FLT3: variants seen among roughly 807,000 people sequenced by gnomAD.
The protein encoded by FLT3 is fms related receptor tyrosine kinase 3, also known as receptor-type tyrosine-protein kinase FLT3.
A neutral mutation model predicts 126.6 loss-of-function variants in FLT3; 46 were observed. The ratio of observed to expected loss-of-function variants is 0.36; its 90% confidence interval spans 0.29 to 0.46. The LOEUF is 0.46. Ranked by LOEUF, FLT3 falls within the 20% of genes least tolerant of loss-of-function variation. The probability of loss-of-function intolerance (pLI) is 1.00; values close to 1 mark genes in which losing one functional copy is unlikely to be tolerated. For synonymous variants in FLT3, 404 were observed against 434.4 expected (o/e 0.93, Z 0.87); for missense variants, 1,069 against 1,190.3 (o/e 0.90, Z 1.50).
chr13:28,046,124 C>T (rs1005761370), intron 9 of FLT3, among the ~76,000 whole-genome samples: 1 of 152,064 alleles, frequency 6.6e-6, no homozygotes, highest in African/African-American at 2.4e-5. Context: ...GCTCAACATG[C>T]CAGCAGCGCC....
intron 6 of FLT3, 147 bp from the exon 7 acceptor site, chr13:28,049,921 C>T (rs1308479597): frequency 4.5e-6 from 5 of 1,103,684 alleles, no homozygotes; most frequent in Non-Finnish European, 6.4e-6. Context: ...GAGACTGACT[C>T]CTCTTTTATG....
At chr13:28,073,455 G>A in intron 1 of FLT3, 1 of 375,556 alleles carries the variant, frequency 2.7e-6, no homozygotes, top group Non-Finnish European at 5.3e-6. Context: ...CTCATAATCT[G>A]AGACAGTCTC....
At position 28,052,542 on chromosome 13, in the gene FLT3, T is replaced by C; in HGVS notation, c.614+3A>G. The C allele has an allele frequency of 1.2e-6, 2 of 1,611,356 alleles. No individual in the cohort carries two copies. Among genetic ancestry groups the C allele is most frequent in the Non-Finnish European group, 1.7e-6 (2 of 1,178,896 alleles). On this transcript the variant is annotated splice_donor_region_variant and intron_variant, in intron 5 of 23. Coordinates refer to ENST00000241453, the MANE Select transcript of FLT3 (RefSeq NM_004119.3). ...AATAGCAGCTACCATGGATGTGTCA[T>C]ACCTTTCCCCCTGTGAATCGCAAAG...
At chr13:28,014,129 T>C (rs920835265) in intron 23 of FLT3, among the ~76,000 whole-genome samples, 1 of 152,004 alleles carries the variant, frequency 6.6e-6, no homozygotes, top group Non-Finnish European at 1.5e-5. Flanking sequence ...AAACTTAGCC[T>C]GGCGTGGTGC....
intron 15 of FLT3, among the ~76,000 whole-genome samples, chr13:28,032,269 G>A (rs569708828): frequency 1.3e-5 from 2 of 152,188 alleles, no homozygotes; most frequent in African/African-American, 2.4e-5. Context: ...CTGAAGCTCC[G>A]AAAGGAGACG....
intron 9 of FLT3, 32 bp from the exon 10 acceptor site, chr13:28,037,320 C>T (rs755786789): frequency 6.8e-6 from 9 of 1,326,322 alleles, no homozygotes; most frequent in South Asian, 3.5e-5. Context: ...ACAGATTTAG[C>T]CCAATTGCTA....
intron 23 of FLT3, among the ~76,000 whole-genome samples, chr13:28,005,199 C>T (rs1018762990): frequency 2.6e-5 from 4 of 152,144 alleles, no homozygotes; most frequent in Non-Finnish European, 4.4e-5. Flanking sequence ...CATGGCGGCG[C>T]GCGCCTGCAG....
chr13:28,051,985 G>A (rs1160616093), intron 5 of FLT3, among the ~76,000 whole-genome samples: 2 of 151,922 alleles, frequency 1.3e-5, no homozygotes, highest in Non-Finnish European at 2.9e-5. Context: ...GAAGGGCCCT[G>A]CAGTTGATTT....
At position 28,034,125 on chromosome 13, in the gene FLT3, T is replaced by G; in HGVS notation, c.1794A>C (p.Glu598Asp). ...EYFYVDFREY[E>D]YDLKWEFPRE... is the part of the protein sequence containing the mutation. Reference sequence around the variant, plus strand: ...TTGGAAACTCCCATTTGAGATCATATTCATATTCTCTGAAATCAACGTAGA... The same window carrying G: ...TTGGAAACTCCCATTTGAGATCATAGTCATATTCTCTGAAATCAACGTAGA... Residue 598 changes from glutamate (E) to aspartate (D), a missense_variant, in exon 14 of 24, where the codon GAA (glutamate) becomes GAC (aspartate). Coordinates refer to ENST00000241453, the MANE Select transcript of FLT3 (RefSeq NM_004119.3). The G allele has an allele frequency of 6.2e-7, 1 of 1,614,078 alleles. No homozygotes were observed. The highest frequency in any genetic ancestry group is 8.5e-7 in the Non-Finnish European group (1 of 1,179,914).
intron 15 of FLT3, among the ~76,000 whole-genome samples, chr13:28,029,884 A>G (rs1873158945): frequency 6.6e-6 from 1 of 152,220 alleles, no homozygotes; most frequent in South Asian, 2.1e-4. Flanking sequence ...CTGACTTAGA[A>G]GCACAGTGTG....
intron 23 of FLT3, among the ~76,000 whole-genome samples, chr13:28,009,802 T>C (rs1871210015): frequency 6.6e-6 from 1 of 152,176 alleles, no homozygotes; most frequent in Admixed American, 6.5e-5. Flanking sequence ...GCTCAATCTA[T>C]GTTTGTGCCT....
chr13:28,043,074 T>TA (rs1874528579), intron 9 of FLT3, among the ~76,000 whole-genome samples: 1 of 152,002 alleles, frequency 6.6e-6, no homozygotes, highest in East Asian at 1.9e-4. Flanking sequence ...GGGCAAAACT[T>TA]AGATTCACAG....
chr13:28,086,269 G>C (rs770753926), intron 1 of FLT3, among the ~76,000 whole-genome samples: 18 of 151,938 alleles, frequency 1.2e-4, no homozygotes, highest in Non-Finnish European at 2.6e-4. Context: ...TGTTTTAGTA[G>C]TCGATTTAAG....
chr13:28,011,403 A>T (rs941572599), intron 23 of FLT3, among the ~76,000 whole-genome samples: 17 of 152,114 alleles, frequency 1.1e-4, no homozygotes, highest in Non-Finnish European at 2.5e-4. Context: ...ATAACAGGGA[A>T]GATCACCCTG....
chr13:28,092,831 CAAA>C (rs1169096638), intron 1 of FLT3, among the ~76,000 whole-genome samples: 2 of 110,496 alleles, frequency 1.8e-5, no homozygotes. Flanking sequence ...ACTCACTTTC[CAAA>C]AAAAAAAAAA....
At chr13:28,052,128 C>G (rs112682868) in intron 5 of FLT3, among the ~76,000 whole-genome samples, 5,068 of 151,246 alleles carry the variant, frequency 0.034, 375 homozygotes, top group African/African-American at 0.11. Context: ...GAGTTTCGCT[C>G]TTGTTGCCCA....
intron 15 of FLT3, among the ~76,000 whole-genome samples, chr13:28,028,945 C>A (rs958701780): frequency 4.2e-4 from 63 of 150,740 alleles, no homozygotes; most frequent in African/African-American, 1.5e-3. Flanking sequence ...TCATGCCCAG[C>A]TAATTTTTAT....
At chr13:28,056,042 T>A (rs773840407) in intron 4 of FLT3, among the ~76,000 whole-genome samples, 1 of 152,186 alleles carries the variant, frequency 6.6e-6, no homozygotes, top group African/African-American at 2.4e-5. Flanking sequence ...CTTTAGCTCA[T>A]GTATACCTTA....
chr13:28,036,709 GGCTCTC>G (rs1873865800), intron 10 of FLT3, among the ~76,000 whole-genome samples: 1 of 152,208 alleles, frequency 6.6e-6, no homozygotes, highest in Admixed American at 6.5e-5. Context: ...CAGGTGCAGT[GGCTCTC>G]GCCTGTAATC....
Sources: gnomAD v4.1 joint callset for allele counts (sites outside exome capture counted in the v4.1 genomes callset) on GRCh38, gnomAD v4.1.1 for gene constraint, MANE v1.5 for transcripts, NCBI Gene and HGNC (gene_info 2026-07-23, HGNC 2026-07-21) for gene names.